The following NEK4 variants were observed in gnomAD, a reference collection of about 807,000 sequenced individuals.
NEK4 encodes the protein NIMA related kinase 4.
A neutral mutation model predicts 98.4 loss-of-function variants in NEK4; 86 were observed. The observed-to-expected ratio is 0.87, with a 90% CI of 0.73 to 1.05. The LOEUF (loss-of-function observed/expected upper bound fraction) is 1.05. Among genes scored for constraint, NEK4 ranks in the 50% least tolerant of loss-of-function variants. NEK4 has a pLI of 0.00. For synonymous variants in NEK4, 328 were observed against 342.2 expected (o/e 0.96, Z 0.46); for missense variants, 898 against 950.3 (o/e 0.94, Z 0.72).
At chr3:52,744,204 C>G (rs1357794192) in intron 11 of NEK4, 35 bp downstream of exon 11, 1 of 1,525,870 alleles carries the variant, frequency 6.6e-7, no homozygotes, top group Non-Finnish European at 9.1e-7. Flanking sequence ...ATACCCCTAA[C>G]TGCCAATTAG....
At chr3:52,728,379 G>C (rs2097366511) in intron 15 of NEK4, among the ~76,000 whole-genome samples, 1 of 152,218 alleles carries the variant, frequency 6.6e-6, no homozygotes, top group Non-Finnish European at 1.5e-5. Context: ...CAGAGGGACT[G>C]ACTGGAGCCA....
In NEK4 at chr3:52,748,302, T is replaced by C. The variant is rs371946375; in HGVS notation, c.1506+1390A>G. On this transcript the variant is annotated intron_variant, in intron 8 of 15. Transcript: ENST00000233027. ...AATAAATTAAAAAGAAAATGAGAAGTTGTCTTTCTCAAAATGAATGTTTAT... is the reference window on the plus strand; with the variant it reads ...AATAAATTAAAAAGAAAATGAGAAGCTGTCTTTCTCAAAATGAATGTTTAT... Among the ~76,000 whole-genome samples, 8 of 152,156 alleles carry C rather than the reference T, an allele frequency of 5.3e-5. No homozygotes were observed. The South Asian group carries it at 8.3e-4, about 16-fold the overall frequency.
At position 52,741,167 on chromosome 3, in the gene NEK4, C is replaced by T. The variant is rs528908731; in HGVS notation, c.2093+244G>A. Reference sequence around the variant, plus strand: ...AGGAGAACGGTGTGAACCCGGGAGGCGGAGCTTGCAGTGAGCGGAGATTGT... The same window carrying T: ...AGGAGAACGGTGTGAACCCGGGAGGTGGAGCTTGCAGTGAGCGGAGATTGT... On this transcript the variant is annotated intron_variant, in intron 13 of 15. Coordinates refer to ENST00000233027, the MANE Select transcript of NEK4 (RefSeq NM_003157.6). Among the ~76,000 whole-genome samples, 18 of 141,384 alleles carry T rather than the reference C, an allele frequency of 1.3e-4. No individual in the cohort carries two copies. In the East Asian group the frequency reaches 2.7e-3, roughly 21 times the overall value. 92.8% of individuals were successfully genotyped at this position (141,384 alleles called of 152,430 possible).
intron 15 of NEK4, among the ~76,000 whole-genome samples, chr3:52,715,530 G>A (rs535856173): frequency 3.9e-5 from 6 of 152,346 alleles, no homozygotes; most frequent in African/African-American, 1.4e-4. Context: ...GGGATTACAG[G>A]CACATGCCAT....
At chr3:52,737,855 C>T (rs1158247192) in intron 14 of NEK4, 136 bp from the exon 15 acceptor site, 4 of 654,488 alleles carry the variant, frequency 6.1e-6, no homozygotes, top group African/African-American at 1.8e-5. Flanking sequence ...GCTCTGTCGC[C>T]CAGGCTGGAG....
At chr3:52,725,990 A>C (rs561557534) in intron 15 of NEK4, among the ~76,000 whole-genome samples, 2 of 152,280 alleles carry the variant, frequency 1.3e-5, no homozygotes, top group African/African-American at 4.8e-5. Context: ...ATATCTAAAG[A>C]CACAAAAAAA....
chr3:52,754,081 GA>G, intron 6 of NEK4: 1 of 247,146 alleles, frequency 4.0e-6, no homozygotes, highest in South Asian at 5.0e-5. Context: ...GAGATCACTT[GA>G]ACCCAGGAGG....
At position 52,741,511 on chromosome 3, in the gene NEK4, T is replaced by C; in HGVS notation, c.2005-12A>G. 2.6e-6 allele frequency: 4 copies of C among 1,547,880 alleles called. No individual in the cohort carries two copies. The highest frequency in any genetic ancestry group is 1.1e-5 in the South Asian group (1 of 89,336). On this transcript the variant is annotated splice_polypyrimidine_tract_variant and intron_variant, in intron 12 of 15. Coordinates refer to ENST00000233027, the MANE Select transcript of NEK4 (RefSeq NM_003157.6). The stretch of plus-strand genomic sequence containing the variant: ...ATCTGTTTCCTTTCCTATTAAATGT[T>C]TGGAAGAATTAAAATTCTACATGAC...
intron 6 of NEK4, among the ~76,000 whole-genome samples, chr3:52,759,629 G>T (rs1477443426): frequency 6.6e-6 from 1 of 152,134 alleles, no homozygotes; most frequent in African/African-American, 2.4e-5. Flanking sequence ...CACTGCTGAT[G>T]GGAATGTCAA....
intron 14 of NEK4, among the ~76,000 whole-genome samples, chr3:52,738,686 A>T (rs1172661810): frequency 1.3e-5 from 2 of 152,090 alleles, no homozygotes; most frequent in South Asian, 2.1e-4. Flanking sequence ...CTTGGACTCA[A>T]GCAATCTGCC....
chr3:52,738,734 AC>A (rs2097380682), intron 14 of NEK4, among the ~76,000 whole-genome samples: 1 of 152,132 alleles, frequency 6.6e-6, no homozygotes, highest in Non-Finnish European at 1.5e-5. Flanking sequence ...GAGCCACCGT[AC>A]CCAGCAGGGC....
intron 15 of NEK4, among the ~76,000 whole-genome samples, chr3:52,713,995 A>C (rs2097352807): frequency 6.6e-6 from 1 of 152,152 alleles, no homozygotes; most frequent in African/African-American, 2.4e-5. Flanking sequence ...AGCACTTTGC[A>C]AGGCCAAAGC....
intron 5 of NEK4, 90 bp from the exon 6 acceptor site, chr3:52,761,026 T>C (rs1298228514): frequency 3.7e-6 from 3 of 812,204 alleles, no homozygotes; most frequent in African/African-American, 3.5e-5. Flanking sequence ...ATACAATGAA[T>C]TCCCTTACAG....
intron 8 of NEK4, among the ~76,000 whole-genome samples, chr3:52,749,140 T>G (rs1259418202): frequency 6.6e-6 from 1 of 151,780 alleles, no homozygotes; most frequent in Non-Finnish European, 1.5e-5. Context: ...ATTTTCCTTT[T>G]TTGTTTTTTT....
At chr3:52,751,174 G>A (rs1051847098) in intron 7 of NEK4, among the ~76,000 whole-genome samples, 4 of 152,132 alleles carry the variant, frequency 2.6e-5, no homozygotes, top group Admixed American at 6.6e-5. Flanking sequence ...GCCGGGCATC[G>A]GCCGAGTGCG....
chr3:52,735,813 C>T (rs1422609845), intron 15 of NEK4, among the ~76,000 whole-genome samples: 1 of 152,194 alleles, frequency 6.6e-6, no homozygotes, highest in East Asian at 1.9e-4. Flanking sequence ...TAACAAGGAT[C>T]AGGAAAGTAA....
chr3:52,767,059 G>A lies in NEK4; in HGVS notation c.361-684C>T, dbSNP rs536003084. On this transcript the variant is annotated intron_variant, in intron 2 of 15. Transcript: ENST00000233027. ...AGCAGTTTGGGAGGCCGAGGTGAGC[G>A]GATCACTTGAGGCCAGGAGTTCAAG... 1.2e-4 allele frequency among the ~76,000 whole-genome samples: 18 copies of A among 152,032 alleles called. No homozygotes were observed. The South Asian group carries it at 2.3e-3, about 19-fold the overall frequency.
intron 15 of NEK4, among the ~76,000 whole-genome samples, chr3:52,713,848 T>G (rs898452210): frequency 1.3e-5 from 2 of 150,312 alleles, no homozygotes; most frequent in Non-Finnish European, 3.0e-5. Context: ...TGAGGAAATG[T>G]TTCAAATTTA....
Position 52,709,430 on chromosome 3 carries a change from G to C in NEK4, c.*2347C>G, listed in dbSNP as rs1264823773. 1 of 151,974 alleles carries C rather than the reference G, an allele frequency of 6.6e-6. No individual in the cohort carries two copies. Among genetic ancestry groups the C allele is most frequent in the African/African-American group, 2.4e-5 (1 of 41,376 alleles). 9.4% of individuals were successfully genotyped at this position (151,974 alleles called of 1,614,324 possible). On this transcript the variant is annotated 3_prime_UTR_variant, in exon 16 of 16. Transcript: ENST00000233027. Reference sequence around the variant, plus strand: ...TAATAAGAAAGTATGGGGGAAGTCAGGTGTGGTGGTTCATGCCTATAATCC... The same window carrying C: ...TAATAAGAAAGTATGGGGGAAGTCACGTGTGGTGGTTCATGCCTATAATCC...
Sources: allele counts gnomAD v4.1 joint callset (sites outside exome capture counted in the v4.1 genomes callset), GRCh38; gene constraint gnomAD v4.1.1; transcripts MANE v1.5; gene names NCBI Gene and HGNC (gene_info 2026-07-23, HGNC 2026-07-21).